Variants in RGS6 observed in about 807,000 individuals in gnomAD.
RGS6 encodes regulator of G protein signaling 6.
In RGS6, 30 loss-of-function variants were observed where a neutral mutation model predicts 78.5. That is an observed-to-expected ratio of 0.38 (90% confidence interval 0.29 to 0.52). The LOEUF (loss-of-function observed/expected upper bound fraction) is 0.52, where lower values mean the gene tolerates loss of function less well. Ranked by LOEUF, RGS6 falls within the 20% of genes least tolerant of loss-of-function variation. The probability of loss-of-function intolerance (pLI) is 0.85; values close to 1 mark genes in which losing one functional copy is unlikely to be tolerated. For synonymous variants in RGS6, 206 were observed against 206.0 expected (o/e 1.00, Z 0.00); for missense variants, 495 against 609.7 (o/e 0.81, Z 1.98).
intron 2 of RGS6, among the ~76,000 whole-genome samples, chr14:72,222,058 A>G (rs1312529106): frequency 6.6e-6 from 1 of 152,234 alleles, no homozygotes; most frequent in Non-Finnish European, 1.5e-5. Flanking sequence ...TTGACTTCTC[A>G]TGTAATTTAT....
chr14:72,414,969 G>T (rs113543653), intron 3 of RGS6, among the ~76,000 whole-genome samples: 3,292 of 152,304 alleles, frequency 0.022, 124 homozygotes, highest in African/African-American at 0.076. Flanking sequence ...CCTACTGGGG[G>T]GGTGCCTCCC....
intron 17 of RGS6, among the ~76,000 whole-genome samples, chr14:72,559,546 A>AT (rs1157945172): frequency 6.6e-6 from 1 of 152,204 alleles, no homozygotes; most frequent in East Asian, 1.9e-4. Context: ...CATGACCTCC[A>AT]TCTTTAGCAG....
At chr14:72,575,821 AATAAAT>A in the RGS6 span, among the ~76,000 whole-genome samples, 1 of 152,242 alleles carries the variant, frequency 6.6e-6, no homozygotes, top group Non-Finnish European at 1.5e-5. Flanking sequence ...TTTAAAATAA[AATAAAT>A]ATATTTTAAA....
chr14:72,469,826 C>T (rs866249971), intron 7 of RGS6, 181 bp from the exon 8 acceptor site: 2 of 575,028 alleles, frequency 3.5e-6, no homozygotes, highest in South Asian at 2.2e-5. Context: ...ATTAATAGTT[C>T]AGCTCTGTAC....
At chr14:72,111,957 A>G (rs2095774920) in intron 2 of RGS6, among the ~76,000 whole-genome samples, 1 of 152,172 alleles carries the variant, frequency 6.6e-6, no homozygotes, top group African/African-American at 2.4e-5. Flanking sequence ...CTCTACTGCC[A>G]ATTTATCGGT....
chr14:72,622,362 T>G, the RGS6 span, among the ~76,000 whole-genome samples: 1 of 152,006 alleles, frequency 6.6e-6, no homozygotes, highest in East Asian at 1.9e-4. Context: ...CACACTGTAG[T>G]TTACGCCAAA....
At chr14:71,902,806 T>C in the RGS6 span, among the ~76,000 whole-genome samples, 1 of 151,754 alleles carries the variant, frequency 6.6e-6, no homozygotes, top group African/African-American at 2.4e-5. Context: ...AGAGATGAAT[T>C]GAAATCTTAA....
intron 3 of RGS6, among the ~76,000 whole-genome samples, chr14:72,386,079 C>A (rs2046912537): frequency 6.6e-6 from 1 of 152,076 alleles, no homozygotes; most frequent in Non-Finnish European, 1.5e-5. Context: ...TAGGCATGGG[C>A]AGGATGTGGA....
At chr14:72,531,877 G>A (rs1490006595) in intron 15 of RGS6, among the ~76,000 whole-genome samples, 12 of 152,122 alleles carry the variant, frequency 7.9e-5, no homozygotes, top group Admixed American at 2.0e-4. Context: ...TGTAGTCACC[G>A]TAATGTTCAA....
At position 72,528,736 on chromosome 14, in the gene RGS6, G is replaced by A. The variant is rs1285729347; in HGVS notation, c.1279-7450G>A. Among the ~76,000 whole-genome samples, 4 of 152,184 alleles carry A rather than the reference G, an allele frequency of 2.6e-5. 1 individual carries two copies. The South Asian group carries it at 6.2e-4, about 24-fold the overall frequency. On this transcript the variant is annotated intron_variant, in intron 15 of 17. Transcript: ENST00000553525. Reference sequence around the variant, plus strand: ...ACAAAGCAAGAAAGAGAGAGAGCACGCGGGCCAGCACGCTTTTTCTCCATC... The same window carrying A: ...ACAAAGCAAGAAAGAGAGAGAGCACACGGGCCAGCACGCTTTTTCTCCATC...
intron 3 of RGS6, among the ~76,000 whole-genome samples, chr14:72,401,627 G>GA (rs77898540): frequency 0.027 from 3,533 of 128,658 alleles, 144 homozygotes; most frequent in African/African-American, 0.095. Flanking sequence ...TTTCTACTGA[G>GA]AAAAAAAAAA....
chr14:72,261,887 C>A (rs2058229059), intron 2 of RGS6, among the ~76,000 whole-genome samples: 1 of 152,148 alleles, frequency 6.6e-6, no homozygotes, highest in Admixed American at 6.5e-5. Context: ...TGACTCTGTT[C>A]TAGAGATAAT....
chr14:72,549,423 G>C (rs746954620), intron 17 of RGS6, among the ~76,000 whole-genome samples: 2 of 152,128 alleles, frequency 1.3e-5, no homozygotes, highest in Non-Finnish European at 2.9e-5. Context: ...TGCGTGGGGC[G>C]TCCTGGCCCA....
At chr14:72,468,210 T>C (rs1385001480) in intron 7 of RGS6, among the ~76,000 whole-genome samples, 2 of 152,028 alleles carry the variant, frequency 1.3e-5, no homozygotes, top group African/African-American at 4.8e-5. Flanking sequence ...GAAACCCGTC[T>C]CTACTAAAAA....
intron 2 of RGS6, among the ~76,000 whole-genome samples, chr14:72,127,681 G>A (rs977305619): frequency 2.0e-5 from 3 of 152,090 alleles, no homozygotes; most frequent in Admixed American, 6.6e-5. Context: ...GAGTTCTAGC[G>A]TTAGCATTTA....
chr14:71,938,465 CT>C (rs200073233), intron 1 of RGS6, among the ~76,000 whole-genome samples: 1,541 of 152,286 alleles, frequency 0.01, 27 homozygotes, highest in African/African-American at 0.035. Flanking sequence ...CAGCTGTCCA[CT>C]TTTGGGTGGT....
chr14:71,875,495 C>T, the RGS6 span, among the ~76,000 whole-genome samples: 1 of 152,130 alleles, frequency 6.6e-6, no homozygotes, highest in Admixed American at 6.6e-5. Context: ...ATGATATCCC[C>T]TTTATCATTT....
intron 2 of RGS6, among the ~76,000 whole-genome samples, chr14:72,161,307 C>A (rs1369887824): frequency 6.6e-6 from 1 of 152,052 alleles, no homozygotes; most frequent in Non-Finnish European, 1.5e-5. Flanking sequence ...ATGGGTGCAC[C>A]AAACCACCAT....
At chr14:71,978,005 A>G (rs989073151) in intron 2 of RGS6, among the ~76,000 whole-genome samples, 1 of 151,118 alleles carries the variant, frequency 6.6e-6, no homozygotes, top group African/African-American at 2.4e-5. Flanking sequence ...ATTCCTAGGT[A>G]TTTTATTCTC....
Sources: gnomAD v4.1 joint callset for allele counts (sites outside exome capture counted in the v4.1 genomes callset) on GRCh38, gnomAD v4.1.1 for gene constraint, MANE v1.5 for transcripts, NCBI Gene and HGNC (gene_info 2026-07-23, HGNC 2026-07-21) for gene names.